The following UNC80 variants were observed in gnomAD, a reference collection of about 807,000 sequenced individuals.
UNC80 encodes the protein protein unc-80 homolog.
UNC80 carries 164 observed loss-of-function variants against 384.6 expected under a neutral mutation model. The ratio of observed to expected loss-of-function variants is 0.43; its 90% CI spans 0.38 to 0.49. The LOEUF (loss-of-function observed/expected upper bound fraction) is 0.49. Among genes scored for constraint, UNC80 ranks in the 20% least tolerant of loss-of-function variants. UNC80 has a pLI of 0.00. For missense variants in UNC80, 3,330 were observed against 4,143.0 expected (o/e 0.80, Z 5.39); for synonymous variants, 1,486 against 1,527.8 (o/e 0.97, Z 0.64).
chr2:209,934,399 A>T (rs1413596578), intron 39 of UNC80, among the ~76,000 whole-genome samples: 1 of 152,212 alleles, frequency 6.6e-6, no homozygotes, highest in Non-Finnish European at 1.5e-5. Flanking sequence ...TGAGGGCTTT[A>T]TGAAAAATTG....
rs1181964129 is a variant in UNC80 at position 209,839,883 on chromosome 2, G to T, written c.3250+453G>T. 3.9e-5 allele frequency among the ~76,000 whole-genome samples: 6 copies of T among 152,090 alleles called. No homozygotes were observed. The highest frequency in any genetic ancestry group is 7.4e-5 in the Non-Finnish European group (5 of 68,022). On this transcript the variant is annotated intron_variant, in intron 19 of 64. Transcript: ENST00000673920. The surrounding 1 kb of genome is among the most constrained non-coding windows in gnomAD (Gnocchi z 4.1). The stretch of plus-strand genomic sequence containing the variant: ...AGTGGTAGTGGCATTAAGATCTCCG[G>T]GATACTTGGGAGAAGGAAGGAGAGC...
intron 15 of UNC80, 123 bp downstream of exon 15, chr2:209,829,502 A>AG: frequency 1.0e-6 from 1 of 1,003,146 alleles, no homozygotes; most frequent in Non-Finnish European, 1.5e-6. Context: ...GTGTCCATGC[A>AG]TGTGTGTGGG....
Position 209,896,429 on chromosome 2 carries a change from A to C in UNC80, c.4581+16A>C, listed in dbSNP as rs73078938. 3.4e-3 allele frequency: 5,291 copies of C among 1,544,364 alleles called. 174 individuals are homozygous for C. The African/African-American group carries it at 0.063, about 18-fold the overall frequency. On this transcript the variant is annotated intron_variant, in intron 28 of 64. Coordinates refer to ENST00000673920, the MANE Select transcript of UNC80 (RefSeq NM_001371986.1). ...GTGGCTTCATGTAAGTAGGAATCTC[A>C]GAAACAGCCCTGAGATCAATTTCTT...
rs750555166 is a variant in UNC80, at chr2:209,809,508, C to T, written c.939-4072C>T. The T allele has an allele frequency of 1.7e-4, 201 of 1,155,742 alleles. No homozygotes were observed. In the Middle Eastern group the frequency reaches 2.3e-3, roughly 13 times the overall value. The allele number at this position is 1,155,742 out of a possible 1,614,324, so 71.6% of individuals were successfully genotyped here. On this transcript the variant is annotated intron_variant, in intron 7 of 64. Coordinates refer to ENST00000673920, the MANE Select transcript of UNC80 (RefSeq NM_001371986.1). ...TCAAGAAGTACCAGTGCCAGGCGTG[C>T]GCTCGAACCTTCTCCCGAATGGCCC... is the stretch of plus-strand genomic sequence containing the variant.
chr2:209,813,653 C>A lies in UNC80; in HGVS notation c.1012C>A (p.Leu338Ile). Residue 338 changes from leucine to isoleucine, a missense_variant, in exon 8 of 65, where the codon CTA (leucine) becomes ATA (isoleucine). Around this residue, in one of 8 missense-constraint regions of UNC80, gnomAD observed 937 missense variants for 1,026.8 expected, o/e 0.91. Coordinates refer to ENST00000673920, the MANE Select transcript of UNC80 (RefSeq NM_001371986.1). Reference sequence around the variant, plus strand: ...CTTTGACGTTGCTGTTCTGCGCTGCCTACTTCAGCCCCATTGGTCTGAGGA... The same window carrying A: ...CTTTGACGTTGCTGTTCTGCGCTGCATACTTCAGCCCCATTGGTCTGAGGA... ...TYFDVAVLRC[L>I]LQPHWSEEGT... The A allele has an allele frequency of 6.4e-7, 1 of 1,551,834 alleles. No homozygotes were observed. The highest frequency in any genetic ancestry group is 8.7e-7 in the Non-Finnish European group (1 of 1,147,028).
Position 209,972,240 on chromosome 2 carries a change from C to G in UNC80, c.8296C>G (p.Pro2766Ala), listed in dbSNP as rs1371178850. The G allele has an allele frequency of 6.4e-7, 1 of 1,551,430 alleles. No homozygotes were observed. The highest frequency in any genetic ancestry group is 8.7e-7 in the Non-Finnish European group (1 of 1,146,876). Reference sequence around the variant, plus strand: ...TTTTCCTTTAAGCCATGTGATCTCCCCATTCACCAATCAAGAGCGAAGGGA... The same window carrying G: ...TTTTCCTTTAAGCCATGTGATCTCCGCATTCACCAATCAAGAGCGAAGGGA... ...EDFPLSHVIS[P>A]FTNQERREGM... The change falls in exon 55 of 65, where the codon CCA (proline) becomes GCA (alanine). Residue 2766 changes from proline (P) to alanine (A), a missense_variant. By Grantham distance (27) the Pro-to-Ala change is conservative. Around this residue, in one of 8 missense-constraint regions of UNC80, gnomAD observed 1,049 missense variants for 1,488.6 expected, o/e 0.70. Transcript: ENST00000673920.
At chr2:209,809,415 T>C (rs920664386) in intron 7 of UNC80, 5 of 1,414,800 alleles carry the variant, frequency 3.5e-6, no homozygotes, top group Non-Finnish European at 5.0e-6. Flanking sequence ...CCTTCTCCTG[T>C]ACCCACTGCA....
chr2:209,829,833 T>C (rs1254477218), intron 15 of UNC80, among the ~76,000 whole-genome samples: 1 of 152,218 alleles, frequency 6.6e-6, no homozygotes, highest in Admixed American at 6.5e-5. Context: ...ACCTTACGAT[T>C]GCAGTAAACA....
rs1287399630 is a variant in UNC80, at chr2:209,820,675, A to T, written c.2327A>T (p.Glu776Val). ...GPYEKNDKNQ[E>V]KDESTPVSNH... ...TATGAGAAGAATGATAAGAACCAAG[A>T]GAAGGTATGACTGAACCACCTTATG... The change falls in exon 13 of 65, where the codon GAG becomes GTG. Residue 776 changes from glutamate to valine, a missense_variant. Physicochemically the swap from Glu to Val is moderately radical, Grantham distance 121 (BLOSUM62 -2). Coordinates refer to ENST00000673920, the MANE Select transcript of UNC80 (RefSeq NM_001371986.1). 1.3e-6 allele frequency: 2 copies of T among 1,539,112 alleles called. No homozygotes were observed. Among genetic ancestry groups the T allele is most frequent in the Middle Eastern group, 1.7e-4 (1 of 5,726 alleles).
intron 53 of UNC80, 193 bp downstream of exon 53, chr2:209,970,084 A>T: frequency 9.2e-6 from 6 of 653,550 alleles, no homozygotes; most frequent in Non-Finnish European, 1.5e-5. Context: ...ACCCATCCCT[A>T]CACAGAAGGG....
At chr2:209,844,472 TTTCTTTCC>T (rs1203387749) in intron 21 of UNC80, among the ~76,000 whole-genome samples, 4,575 of 75,176 alleles carry the variant, frequency 0.061, 145 homozygotes, top group Admixed American at 0.085. Flanking sequence ...TCTTTCTTTC[TTTCTTTCC>T]TTCCTTCCTT....
In UNC80 at chr2:209,939,519, C is replaced by T; in HGVS notation, c.6513C>T (p.Ile2171=). The T allele has an allele frequency of 6.4e-7, 1 of 1,551,378 alleles. No individual in the cohort carries two copies. The highest frequency in any genetic ancestry group is 1.7e-4 in the Middle Eastern group (1 of 5,986). The change falls in exon 43 of 65, where the codon ATC becomes ATT. Residue 2171 remains isoleucine (I), a synonymous_variant. Coordinates refer to ENST00000673920, the MANE Select transcript of UNC80 (RefSeq NM_001371986.1). ...AAGTAGGGCGGGTGTTGTTTCTCAT[C>T]TCCCTAACCCAGAAGATCCCCACAG... ...LEEVGRVLFL[I]SLTQKIPTAH...
rs750175498 is a variant in UNC80, at chr2:209,967,569, G to T, written c.7938G>T (p.Pro2646=). 9 of 1,551,456 alleles carry T rather than the reference G, an allele frequency of 5.8e-6. No individual in the cohort carries two copies. The South Asian group carries it at 9.5e-5, about 16-fold the overall frequency. The change falls in exon 52 of 65, where the codon CCG becomes CCT. Residue 2646 remains proline, a synonymous_variant. Transcript: ENST00000673920. Reference sequence around the variant, plus strand: ...ACTGGACAGCTGAGGCAGTGAGGCCGGCCCTCATCCTCATTTTAAAAAGAT... The same window carrying T: ...ACTGGACAGCTGAGGCAGTGAGGCCTGCCCTCATCCTCATTTTAAAAAGAT... ...ITDWTAEAVR[P]ALILILKRLD... is the part of the protein sequence containing the mutation.
In UNC80 at chr2:209,820,364, C is replaced by T. The variant is rs890378136; in HGVS notation, c.2016C>T (p.Ile672=). Residue 672 remains isoleucine, a synonymous_variant, in exon 13 of 65, where the codon ATC becomes ATT. Coordinates refer to ENST00000673920, the MANE Select transcript of UNC80 (RefSeq NM_001371986.1). ...LVLNHDISSR[I]CDVALNIVEC... is the part of the protein sequence containing the mutation. Reference sequence around the variant, plus strand: ...TTAATCATGACATCAGCTCTCGTATCTGTGACGTGGCGCTAAACATTGTGG... The same window carrying T: ...TTAATCATGACATCAGCTCTCGTATTTGTGACGTGGCGCTAAACATTGTGG... The T allele has an allele frequency of 1.3e-6, 2 of 1,551,598 alleles. No individual in the cohort carries two copies. The highest frequency in any genetic ancestry group is 2.7e-5 in the African/African-American group (2 of 73,014).
At chr2:209,808,512 A>G (rs1438064503) in intron 7 of UNC80, among the ~76,000 whole-genome samples, 1 of 144,712 alleles carries the variant, frequency 6.9e-6, no homozygotes, top group Admixed American at 7.0e-5. Flanking sequence ...TAGTGAGCCG[A>G]TATCGCGCCA....
intron 6 of UNC80, among the ~76,000 whole-genome samples, chr2:209,792,102 G>A (rs1178447369): frequency 6.6e-6 from 1 of 152,024 alleles, no homozygotes; most frequent in Non-Finnish European, 1.5e-5. Flanking sequence ...CCAGGAGTTT[G>A]AGACCAGCCT....
rs2092460202 is a variant in UNC80, at chr2:209,957,589, T to C, written c.7458-55T>C. On this transcript the variant is annotated intron_variant, in intron 48 of 64. Transcript: ENST00000673920. ...AGTAACTTGAGGATTTAATAAATGT[T>C]TCCATTTCTGTTGTTGTTGTTGTTT... 2.8e-6 allele frequency: 4 copies of C among 1,422,456 alleles called. No homozygotes were observed. The African/African-American group carries it at 5.7e-5, about 20-fold the overall frequency. 88.1% of individuals were successfully genotyped at this position (1,422,456 alleles called of 1,614,324 possible).
intron 23 of UNC80, among the ~76,000 whole-genome samples, chr2:209,876,860 A>C (rs1009438243): frequency 1.2e-4 from 18 of 152,152 alleles, no homozygotes; most frequent in African/African-American, 4.1e-4. Context: ...GAGTTTAGGG[A>C]GACCTTTCGG....
intron 4 of UNC80, among the ~76,000 whole-genome samples, chr2:209,784,677 T>C (rs947287593): frequency 1.3e-5 from 2 of 152,216 alleles, no homozygotes; most frequent in Admixed American, 6.5e-5. Flanking sequence ...GACAACACTT[T>C]GTCTGACACA....
Sources: allele counts gnomAD v4.1 joint callset (sites outside exome capture counted in the v4.1 genomes callset), GRCh38; gene constraint gnomAD v4.1.1; regional missense constraint gnomAD v4.1.1; non-coding constraint Gnocchi (gnomAD v3.1); transcripts MANE v1.5; gene names NCBI Gene and HGNC (gene_info 2026-07-23, HGNC 2026-07-21).